CDC42BPA: variants seen among roughly 807,000 people sequenced by gnomAD.
CDC42BPA encodes the protein CDC42 binding protein kinase alpha.
In CDC42BPA, 80 loss-of-function variants were observed where a neutral mutation model predicts 223.5. The observed-to-expected ratio is 0.36, with a 90% confidence interval of 0.30 to 0.43. The LOEUF (loss-of-function observed/expected upper bound fraction) is 0.43, where lower values mean the gene tolerates loss of function less well. CDC42BPA is among the 20% of genes least tolerant of loss of function. The pLI, the probability that CDC42BPA is intolerant of heterozygous loss-of-function variation, is 1.00. For missense variants in CDC42BPA, 1,743 were observed against 2,099.9 expected (o/e 0.83, Z 3.32); for synonymous variants, 694 against 718.6 (o/e 0.97, Z 0.55).
intron 30 of CDC42BPA, among the ~76,000 whole-genome samples, chr1:227,027,528 C>T (rs1291783759): frequency 6.6e-6 from 1 of 152,148 alleles, no homozygotes; most frequent in African/African-American, 2.4e-5. Context: ...CCATGTAGTT[C>T]CCTAGGGTTT....
At chr1:227,021,063 G>C (rs1397050631) in intron 32 of CDC42BPA, among the ~76,000 whole-genome samples, 2 of 152,136 alleles carry the variant, frequency 1.3e-5, no homozygotes, top group Non-Finnish European at 2.9e-5. Context: ...CATCTTATAT[G>C]GGCATGGTTT....
chr1:226,994,181 G>T lies in CDC42BPA; in HGVS notation c.*87C>A. 7.3e-7 allele frequency: 1 copy of T among 1,379,072 alleles called. No individual in the cohort carries two copies. The highest frequency in any genetic ancestry group is 1.3e-5 in the South Asian group (1 of 74,938). 85.4% of individuals were successfully genotyped at this position (1,379,072 alleles called of 1,614,324 possible). On this transcript the variant is annotated 3_prime_UTR_variant, in exon 37 of 37. Transcript: ENST00000366766. This position sits in a 1 kb window ranked among gnomAD's most constrained non-coding sequence, Gnocchi z 4.0. The stretch of plus-strand genomic sequence containing the variant: ...GCCAGCCCCTGGTGGCTTTCAGGCC[G>T]AGCAGGCGAGGTGGAGGGAAGAGAT...
chr1:227,188,161 A>G (rs1257242005), intron 5 of CDC42BPA, among the ~76,000 whole-genome samples: 2 of 152,202 alleles, frequency 1.3e-5, no homozygotes, highest in Non-Finnish European at 2.9e-5. Flanking sequence ...TTTGATCAAA[A>G]GAATGCCAAC....
intron 1 of CDC42BPA, among the ~76,000 whole-genome samples, chr1:227,294,859 CAAAAAAAAAAAAAAAAAA>C (rs397983087): frequency 7.8e-5 from 1 of 12,818 alleles, no homozygotes; most frequent in Non-Finnish European, 1.2e-4. Context: ...GACTCCGTCT[CAAAAAAAAAAAAAAAAAA>C]AAAAAAAAAG....
intron 21 of CDC42BPA, among the ~76,000 whole-genome samples, chr1:227,056,392 CT>C (rs566998997): frequency 1.1e-3 from 131 of 117,906 alleles, no homozygotes; most frequent in East Asian, 1.6e-3. Context: ...CTTTTCTTTT[CT>C]TTTTTTTTTT....
intron 2 of CDC42BPA, chr1:227,235,327 C>G (rs1644726171): frequency 6.6e-6 from 1 of 152,192 alleles, no homozygotes; most frequent in Admixed American, 6.5e-5. Context: ...GGTTAGAAAT[C>G]TCACACACTG....
At chr1:227,305,226 C>T (rs867462745) in intron 1 of CDC42BPA, among the ~76,000 whole-genome samples, 3 of 152,046 alleles carry the variant, frequency 2.0e-5, no homozygotes, top group Non-Finnish European at 2.9e-5. Context: ...TCTGTAAACT[C>T]GAGATTATTT....
chr1:227,059,318 TGA>T (rs930587405), intron 21 of CDC42BPA: 121 of 1,444,842 alleles, frequency 8.4e-5, no homozygotes, highest in Admixed American at 3.7e-4. Context: ...GGCAAAAGGA[TGA>T]GAGAGGGGTA....
At chr1:227,135,625 C>T (rs745442320) in intron 10 of CDC42BPA, among the ~76,000 whole-genome samples, 4 of 151,896 alleles carry the variant, frequency 2.6e-5, no homozygotes, top group African/African-American at 9.7e-5. Flanking sequence ...GAGGCTGAGA[C>T]GGGCGGATCA....
intron 26 of CDC42BPA, 64 bp from the exon 27 acceptor site, chr1:227,033,479 G>T: frequency 9.3e-7 from 1 of 1,079,710 alleles, no homozygotes; most frequent in Non-Finnish European, 1.4e-6. Flanking sequence ...TTTGGGGTGT[G>T]TATCCAAATA....
At chr1:226,998,557 T>C (rs1012387897) in intron 35 of CDC42BPA, among the ~76,000 whole-genome samples, 1 of 152,232 alleles carries the variant, frequency 6.6e-6, no homozygotes, top group East Asian at 1.9e-4. Flanking sequence ...GGATTCCCTA[T>C]TTAATAAATG....
chr1:227,122,941 T>C (rs550585044), intron 11 of CDC42BPA, among the ~76,000 whole-genome samples: 30 of 152,182 alleles, frequency 2.0e-4, no homozygotes, highest in Non-Finnish European at 3.8e-4. Flanking sequence ...CTATTATAAA[T>C]ACCCAACACA....
chr1:227,231,646 TG>T (rs1437641682), intron 2 of CDC42BPA, among the ~76,000 whole-genome samples: 7 of 110,640 alleles, frequency 6.3e-5, no homozygotes, highest in Non-Finnish European at 1.4e-4. Context: ...CAGCACCTGT[TG>T]TTTCCTGATT....
intron 3 of CDC42BPA, among the ~76,000 whole-genome samples, chr1:227,207,035 C>A (rs12738228): frequency 7.0e-6 from 1 of 143,762 alleles, no homozygotes; most frequent in Admixed American, 7.0e-5. Flanking sequence ...CACCCATTAA[C>A]TCGTCATTTA....
At chr1:227,136,834 T>G (rs1451157730) in intron 10 of CDC42BPA, among the ~76,000 whole-genome samples, 1 of 152,172 alleles carries the variant, frequency 6.6e-6, no homozygotes, top group Non-Finnish European at 1.5e-5. Flanking sequence ...AAAGACATTT[T>G]CAGATCAACA....
chr1:227,151,991 C>A (rs1224196694), intron 6 of CDC42BPA, among the ~76,000 whole-genome samples: 1 of 151,692 alleles, frequency 6.6e-6, no homozygotes, highest in African/African-American at 2.4e-5. Flanking sequence ...GCCACTGACA[C>A]CAGCCTAGGC....
chr1:227,240,235 T>C (rs114744745), intron 2 of CDC42BPA, among the ~76,000 whole-genome samples: 1,638 of 152,128 alleles, frequency 0.011, 32 homozygotes, highest in African/African-American at 0.037. Flanking sequence ...AGAAGACCTA[T>C]ACATTAAAAC....
chr1:227,152,202 T>C (rs1178045966), intron 6 of CDC42BPA, among the ~76,000 whole-genome samples: 1 of 152,184 alleles, frequency 6.6e-6, no homozygotes, highest in Non-Finnish European at 1.5e-5. Flanking sequence ...ATCGTGCCCT[T>C]TGATGTACAG....
At chr1:227,129,756 T>C (rs1656679418) in intron 10 of CDC42BPA, among the ~76,000 whole-genome samples, 1 of 146,128 alleles carries the variant, frequency 6.8e-6, no homozygotes, top group Non-Finnish European at 1.5e-5. Context: ...TTTTAAATAC[T>C]ATTGGCGTAC....
Sources: allele counts gnomAD v4.1 joint callset (sites outside exome capture counted in the v4.1 genomes callset), GRCh38; gene constraint gnomAD v4.1.1; non-coding constraint Gnocchi (gnomAD v3.1); transcripts MANE v1.5; gene names NCBI Gene and HGNC (gene_info 2026-07-23, HGNC 2026-07-21).